The following DPP6 variants were observed in gnomAD, a reference collection of about 807,000 sequenced individuals.
DPP6 encodes dipeptidyl peptidase like 6.
In DPP6, 69 loss-of-function variants were observed where a neutral mutation model predicts 122.6. That is an observed-to-expected ratio of 0.56 (90% CI 0.46 to 0.69). DPP6 has a LOEUF of 0.69. DPP6 is among the 30% of genes least tolerant of loss of function. DPP6 has a pLI of 0.00. For missense variants in DPP6, 928 were observed against 1,116.9 expected (o/e 0.83, Z 2.41); for synonymous variants, 418 against 433.1 (o/e 0.97, Z 0.43).
At chr7:154,324,105 C>T (rs974910072) in intron 1 of DPP6, among the ~76,000 whole-genome samples, 4 of 152,032 alleles carry the variant, frequency 2.6e-5, no homozygotes, top group South Asian at 2.1e-4. Flanking sequence ...GGGTGGGGTT[C>T]GTGGAAAAAT....
At chr7:153,854,084 A>T in the DPP6 span, among the ~76,000 whole-genome samples, 6 of 146,344 alleles carry the variant, frequency 4.1e-5, no homozygotes, top group South Asian at 6.9e-4. Flanking sequence ...TTTTCCCAGC[A>T]CCATTTATTA....
intron 2 of DPP6, among the ~76,000 whole-genome samples, chr7:154,463,129 C>T (rs865880697): frequency 9.9e-5 from 15 of 151,352 alleles, no homozygotes; most frequent in South Asian, 8.4e-4. Context: ...AGTACCCTGC[C>T]GCTTTGTGGC....
At chr7:154,197,959 G>A (rs1018973287) in intron 1 of DPP6, among the ~76,000 whole-genome samples, 1 of 152,114 alleles carries the variant, frequency 6.6e-6, no homozygotes, top group Non-Finnish European at 1.5e-5. Context: ...CCCTCCCACA[G>A]CAGCTGCTGG....
intron 8 of DPP6, among the ~76,000 whole-genome samples, chr7:154,740,552 A>C (rs1457455530): frequency 6.6e-6 from 1 of 152,218 alleles, no homozygotes; most frequent in Non-Finnish European, 1.5e-5. Context: ...ACTAGGGTGG[A>C]CCAGATAATG....
intron 16 of DPP6, among the ~76,000 whole-genome samples, chr7:154,853,132 C>T (rs115588297): frequency 0.017 from 2,564 of 152,258 alleles, 64 homozygotes; most frequent in African/African-American, 0.059. Context: ...TCTTTCTGGA[C>T]TCTCCTTTTG....
chr7:154,484,050 C>A (rs1029093620), intron 3 of DPP6, among the ~76,000 whole-genome samples: 2 of 152,200 alleles, frequency 1.3e-5, no homozygotes, highest in Non-Finnish European at 2.9e-5. Context: ...CTTACACTTA[C>A]AAGGCCAACT....
intron 1 of DPP6, among the ~76,000 whole-genome samples, chr7:153,963,451 G>A (rs1205933085): frequency 6.8e-6 from 1 of 146,712 alleles, no homozygotes; most frequent in African/African-American, 2.5e-5. Context: ...AGGGTGGCTG[G>A]AAAAAGCATC....
At chr7:153,776,991 C>G in the DPP6 span, among the ~76,000 whole-genome samples, 1 of 152,146 alleles carries the variant, frequency 6.6e-6, no homozygotes, top group Non-Finnish European at 1.5e-5. Context: ...ACATTTCTGA[C>G]AAAGGACTTG....
chr7:154,700,830 C>T (rs924144526), intron 7 of DPP6, among the ~76,000 whole-genome samples: 2 of 151,936 alleles, frequency 1.3e-5, no homozygotes, highest in Non-Finnish European at 2.9e-5. Flanking sequence ...AAATGTGCAT[C>T]TACTTCCCCA....
chr7:154,693,511 A>G (rs938164576), intron 7 of DPP6, among the ~76,000 whole-genome samples: 3 of 152,136 alleles, frequency 2.0e-5, no homozygotes, highest in African/African-American at 7.2e-5. Flanking sequence ...CTATTTCCTC[A>G]GATGCTCCCT....
At chr7:154,536,592 T>C (rs1205839370) in intron 3 of DPP6, among the ~76,000 whole-genome samples, 2 of 152,154 alleles carry the variant, frequency 1.3e-5, no homozygotes, top group Non-Finnish European at 2.9e-5. Flanking sequence ...CATATAAGGC[T>C]GAATCTGACA....
chr7:154,002,513 C>A (rs1219553816), intron 1 of DPP6, among the ~76,000 whole-genome samples: 1 of 152,186 alleles, frequency 6.6e-6, no homozygotes, highest in Non-Finnish European at 1.5e-5. Context: ...GGCCCAATAT[C>A]TAGGCTATAG....
chr7:154,826,542 C>A (rs932618842), intron 16 of DPP6, among the ~76,000 whole-genome samples: 65 of 152,182 alleles, frequency 4.3e-4, no homozygotes, highest in African/African-American at 1.6e-3. Context: ...TTCTTGAGAA[C>A]CTCCCAGTGA....
At chr7:154,185,984 A>T (rs1267109016) in intron 1 of DPP6, among the ~76,000 whole-genome samples, 6 of 152,200 alleles carry the variant, frequency 3.9e-5, no homozygotes, top group Admixed American at 2.6e-4. Flanking sequence ...ACTCTGCAGA[A>T]GAACCATATG....
At chr7:154,008,432 C>T (rs530931103) in intron 1 of DPP6, among the ~76,000 whole-genome samples, 2 of 152,372 alleles carry the variant, frequency 1.3e-5, no homozygotes, top group South Asian at 2.1e-4. Context: ...CAGGGACTAG[C>T]GACATAGGTT....
chr7:154,209,795 C>T (rs1050487091), intron 1 of DPP6, among the ~76,000 whole-genome samples: 2 of 152,118 alleles, frequency 1.3e-5, no homozygotes, highest in Non-Finnish European at 2.9e-5. Flanking sequence ...TACTTGCCAT[C>T]GGTTCAAGAA....
At chr7:154,011,974 A>G (rs1798173119) in intron 1 of DPP6, among the ~76,000 whole-genome samples, 1 of 152,234 alleles carries the variant, frequency 6.6e-6, no homozygotes, top group Non-Finnish European at 1.5e-5. Context: ...AAATGATAGA[A>G]CAATAACAAT....
chr7:153,869,546 C>G, the DPP6 span, among the ~76,000 whole-genome samples: 1 of 152,134 alleles, frequency 6.6e-6, no homozygotes, highest in East Asian at 1.9e-4. Context: ...CTATGTGTGT[C>G]TCTGCACATG....
Position 154,397,922 on chromosome 7 carries a change from C to A in DPP6, c.244-48292C>A, listed in dbSNP as rs117016980. On this transcript the variant is annotated intron_variant, in intron 1 of 25. Transcript: ENST00000377770. Reference sequence around the variant, plus strand: ...CTTTCTAGGTCTTGGTGCCTTTGAGCCTTTCAGTCAATCTTTTAAATAAAA... The same window carrying A: ...CTTTCTAGGTCTTGGTGCCTTTGAGACTTTCAGTCAATCTTTTAAATAAAA... 4.7e-3 allele frequency among the ~76,000 whole-genome samples: 717 copies of A among 152,258 alleles called. 2 individuals are homozygous for A. The highest frequency in any genetic ancestry group is 7.7e-3 in the Non-Finnish European group (523 of 68,016).
Sources: gnomAD v4.1 joint callset for allele counts (sites outside exome capture counted in the v4.1 genomes callset) on GRCh38, gnomAD v4.1.1 for gene constraint, MANE v1.5 for transcripts, NCBI Gene and HGNC (gene_info 2026-07-23, HGNC 2026-07-21) for gene names.